FHIT: variants seen among roughly 807,000 people sequenced by gnomAD.
FHIT encodes bis(5'-adenosyl)-triphosphatase.
FHIT carries 19 observed loss-of-function variants against 17.9 expected under a neutral mutation model. The observed-to-expected ratio is 1.06, with a 90% CI of 0.74 to 1.56. The LOEUF is 1.56. Ranked by LOEUF, FHIT falls within the 40% of genes most tolerant of loss-of-function variation. The pLI, the probability that FHIT is intolerant of heterozygous loss-of-function variation, is 0.00. For synonymous variants in FHIT, 81 were observed against 69.7 expected (o/e 1.16, Z -0.81); for missense variants, 248 against 189.2 (o/e 1.31, Z -1.82).
chr3:61,001,814 C>G (rs2031104666), intron 3 of FHIT, among the ~76,000 whole-genome samples: 1 of 152,140 alleles, frequency 6.6e-6, no homozygotes, highest in South Asian at 2.1e-4. Context: ...AAATGAGTAC[C>G]TGCATAACTG....
At chr3:60,101,122 C>T (rs944650784) in intron 5 of FHIT, among the ~76,000 whole-genome samples, 2 of 152,214 alleles carry the variant, frequency 1.3e-5, no homozygotes, top group Non-Finnish European at 2.9e-5. Flanking sequence ...TGCCGGCCCC[C>T]GCTCCCTATT....
At chr3:60,430,352 G>T (rs1243513257) in intron 5 of FHIT, among the ~76,000 whole-genome samples, 1 of 151,860 alleles carries the variant, frequency 6.6e-6, no homozygotes, top group African/African-American at 2.4e-5. Context: ...CCACAGAGAG[G>T]AAGAACCACA....
At chr3:59,961,064 C>A (rs1269162557) in intron 7 of FHIT, among the ~76,000 whole-genome samples, 1 of 152,076 alleles carries the variant, frequency 6.6e-6, no homozygotes, top group Non-Finnish European at 1.5e-5. Context: ...GGGACTGAAT[C>A]GTGAATTTGA....
chr3:61,250,690 C>T (rs926335358), intron 1 of FHIT, among the ~76,000 whole-genome samples: 1 of 152,018 alleles, frequency 6.6e-6, no homozygotes, highest in African/African-American at 2.4e-5. Flanking sequence ...AAAATTCCCC[C>T]CTTTGACGCT....
chr3:60,635,454 G>A (rs2039558887), intron 4 of FHIT, among the ~76,000 whole-genome samples: 1 of 152,036 alleles, frequency 6.6e-6, no homozygotes, highest in South Asian at 2.1e-4. Context: ...CCGTTTTCTT[G>A]CACATAAACC....
At position 60,107,341 on chromosome 3, in the gene FHIT, A is replaced by G. The variant is rs569837219; in HGVS notation, c.104-93189T>C. ...AAACAAAACTAAAAAAAATTAAAAT[A>G]CAGATATACAATTCATATTCTAATC... is the stretch of plus-strand genomic sequence containing the variant. On this transcript the variant is annotated intron_variant, in intron 5 of 9. Transcript: ENST00000492590. Among the ~76,000 whole-genome samples, 4 of 152,264 alleles carry G rather than the reference A, an allele frequency of 2.6e-5. No homozygotes were observed. In the East Asian group the frequency reaches 5.8e-4, roughly 22 times the overall value.
intron 8 of FHIT, among the ~76,000 whole-genome samples, chr3:59,858,236 CTTTTTTTTTTTTTT>C (rs563841299): frequency 3.6e-5 from 3 of 84,454 alleles, no homozygotes; most frequent in African/African-American, 1.0e-4. Context: ...TTCCCACCTT[CTTTTTTTTTTTTTT>C]TTTTTTTTTT....
chr3:61,021,731 G>C (rs948183069), intron 3 of FHIT, among the ~76,000 whole-genome samples: 3 of 152,078 alleles, frequency 2.0e-5, no homozygotes, highest in Non-Finnish European at 4.4e-5. Context: ...TGAACAATGG[G>C]CTCCTGAATG....
At chr3:59,762,380 T>C (rs1046961601) in intron 8 of FHIT, among the ~76,000 whole-genome samples, 1 of 152,154 alleles carries the variant, frequency 6.6e-6, no homozygotes, top group South Asian at 2.1e-4. Context: ...AAATTACACT[T>C]TTCCTCCCAA....
At chr3:60,301,925 C>T (rs1708472451) in intron 5 of FHIT, among the ~76,000 whole-genome samples, 1 of 151,690 alleles carries the variant, frequency 6.6e-6, no homozygotes, top group African/African-American at 2.4e-5. Context: ...TACATCCTGT[C>T]AATTAAAAAC....
chr3:60,932,590 T>C (rs547643925), intron 3 of FHIT, among the ~76,000 whole-genome samples: 40 of 152,342 alleles, frequency 2.6e-4, no homozygotes, highest in Non-Finnish European at 5.1e-4. Context: ...GCTTTGACTA[T>C]AATTTCTGTC....
At chr3:60,495,735 A>T (rs1457940432) in intron 5 of FHIT, among the ~76,000 whole-genome samples, 3 of 152,154 alleles carry the variant, frequency 2.0e-5, no homozygotes, top group Non-Finnish European at 2.9e-5. Flanking sequence ...ACGGAAAAAA[A>T]TCATTTGAAA....
chr3:60,174,221 T>C (rs545521323), intron 5 of FHIT, among the ~76,000 whole-genome samples: 1 of 151,932 alleles, frequency 6.6e-6, no homozygotes, highest in South Asian at 2.1e-4. Flanking sequence ...GTTTCTAATA[T>C]TTTTAAGACT....
intron 7 of FHIT, among the ~76,000 whole-genome samples, chr3:59,980,301 A>T (rs72877026): frequency 0.06 from 9,149 of 152,270 alleles, 327 homozygotes; most frequent in African/African-American, 0.094. Flanking sequence ...GGCTGAATGG[A>T]CAACAAGGAT....
chr3:60,885,901 T>C (rs1321910611), intron 3 of FHIT, among the ~76,000 whole-genome samples: 2 of 152,090 alleles, frequency 1.3e-5, no homozygotes, highest in Non-Finnish European at 2.9e-5. Context: ...GTCTTAGGAA[T>C]ATCCTCAATG....
chr3:60,570,737 T>TA (rs10637926), intron 4 of FHIT, among the ~76,000 whole-genome samples: 10,777 of 132,446 alleles, frequency 0.081, 844 homozygotes, highest in African/African-American at 0.18. Flanking sequence ...ATTAAAAAAT[T>TA]AAAAAAAAAA....
intron 5 of FHIT, among the ~76,000 whole-genome samples, chr3:60,090,768 T>A (rs955450523): frequency 6.6e-6 from 1 of 152,120 alleles, no homozygotes; most frequent in Non-Finnish European, 1.5e-5. Flanking sequence ...CACACAGACT[T>A]TGGGTGAAAC....
intron 5 of FHIT, among the ~76,000 whole-genome samples, chr3:60,381,531 A>C (rs1353475790): frequency 1.3e-5 from 2 of 150,036 alleles, no homozygotes; most frequent in African/African-American, 4.8e-5. Context: ...ATAAAACAAC[A>C]AAAAAAAGCA....
At position 60,482,588 on chromosome 3, in the gene FHIT, A is replaced by T. The variant is rs1323263979; in HGVS notation, c.103+54272T>A. Among the ~76,000 whole-genome samples, 4 of 152,188 alleles carry T rather than the reference A, an allele frequency of 2.6e-5. No homozygotes were observed. In the South Asian group the frequency reaches 8.3e-4, roughly 32 times the overall value. ...GATCCTGAGTGAATCCTGGGTAAAT[A>T]ATGGAATTAAGGCGGAAATCAAGAA... is the stretch of plus-strand genomic sequence containing the variant. On this transcript the variant is annotated intron_variant, in intron 5 of 9. Coordinates refer to ENST00000492590, the MANE Select transcript of FHIT (RefSeq NM_002012.4).
Sources: gnomAD v4.1 joint callset for allele counts (sites outside exome capture counted in the v4.1 genomes callset) on GRCh38, gnomAD v4.1.1 for gene constraint, MANE v1.5 for transcripts, NCBI Gene and HGNC (gene_info 2026-07-23, HGNC 2026-07-21) for gene names.